The following WWC1 variants were observed in gnomAD, a reference collection of about 807,000 sequenced individuals.
The protein encoded by WWC1 is WW and C2 domain containing 1.
Under a neutral mutation model 138.4 loss-of-function variants are expected in WWC1, and 55 were observed. The observed-to-expected ratio is 0.40, with a 90% CI of 0.32 to 0.50. The LOEUF is 0.50. WWC1 is among the 20% of genes least tolerant of loss of function. WWC1 has a pLI of 0.72. For synonymous variants in WWC1, 524 were observed against 564.9 expected (o/e 0.93, Z 1.03); for missense variants, 1,226 against 1,420.4 (o/e 0.86, Z 2.20).
chr5:168,414,717 A>G, intron 9 of WWC1, 127 bp downstream of exon 9: 1 of 1,323,198 alleles, frequency 7.6e-7, no homozygotes, highest in African/African-American at 1.5e-5. Flanking sequence ...CTCAGTTCAG[A>G]GATCTCTCAG....
intron 1 of WWC1, among the ~76,000 whole-genome samples, chr5:168,352,252 AAAT>A (rs1169583592): frequency 6.6e-6 from 1 of 152,230 alleles, no homozygotes; most frequent in Non-Finnish European, 1.5e-5. Flanking sequence ...TCAGGTGGTC[AAAT>A]AATGTTTACA....
At chr5:168,383,087 T>C (rs540277421) in intron 2 of WWC1, among the ~76,000 whole-genome samples, 4 of 149,464 alleles carry the variant, frequency 2.7e-5, no homozygotes, top group African/African-American at 9.9e-5. Context: ...GAGGCAGGGA[T>C]AATTACTGGA....
intron 3 of WWC1, among the ~76,000 whole-genome samples, chr5:168,395,502 T>A (rs1333133268): frequency 6.6e-6 from 1 of 152,190 alleles, no homozygotes; most frequent in Non-Finnish European, 1.5e-5. Context: ...TTGTTCAAGG[T>A]CATTTTATTA....
intron 17 of WWC1, among the ~76,000 whole-genome samples, chr5:168,446,396 T>C (rs1353918589): frequency 6.6e-6 from 1 of 152,204 alleles, no homozygotes; most frequent in East Asian, 1.9e-4. Flanking sequence ...ATTTAATTCC[T>C]TGTATTATGA....
intron 16 of WWC1, among the ~76,000 whole-genome samples, chr5:168,442,225 A>G (rs1754832201): frequency 6.6e-6 from 1 of 152,298 alleles, no homozygotes; most frequent in Admixed American, 6.5e-5. Context: ...GCAGCTAGAA[A>G]TCATGGGAAG....
At chr5:168,375,357 G>C (rs933334270) in intron 2 of WWC1, among the ~76,000 whole-genome samples, 2 of 152,050 alleles carry the variant, frequency 1.3e-5, no homozygotes, top group African/African-American at 4.8e-5. Context: ...ATATCAAGCA[G>C]AGAATTGCCG....
At chr5:168,359,133 G>A (rs1245888000) in intron 1 of WWC1, among the ~76,000 whole-genome samples, 1 of 151,768 alleles carries the variant, frequency 6.6e-6, no homozygotes, top group African/African-American at 2.4e-5. Flanking sequence ...TGGGTTCACT[G>A]CAACCTCTAC....
intron 2 of WWC1, among the ~76,000 whole-genome samples, chr5:168,372,053 TTGTGTGTGTGTGTGTG>T (rs10595228): frequency 1.1e-4 from 16 of 141,262 alleles, no homozygotes; most frequent in South Asian, 6.9e-4. Flanking sequence ...AAGAGTGTGT[TTGTGTGTGTGTGTGTG>T]TGTGTGTGTG....
chr5:168,451,150 C>G (rs1055381882), intron 17 of WWC1, among the ~76,000 whole-genome samples: 2 of 152,042 alleles, frequency 1.3e-5, no homozygotes, highest in Non-Finnish European at 2.9e-5. Context: ...TCCCGAGTAG[C>G]TAGAATTACA....
rs1357859614 is a variant in WWC1 at position 168,292,319 on chromosome 5, C to T, written c.119+48C>T. On this transcript the variant is annotated intron_variant, in intron 1 of 22. Coordinates refer to ENST00000265293, the MANE Select transcript of WWC1 (RefSeq NM_015238.3). This position sits in a 1 kb window ranked among gnomAD's most constrained non-coding sequence, Gnocchi z 4.4. ...CGTGCCCCCACACCCCCGCCTGGGC[C>T]CCCACCTGCCCCTGGAGCCGCCGGC... is the stretch of plus-strand genomic sequence containing the variant. 1 of 1,537,402 alleles carries T rather than the reference C, an allele frequency of 6.5e-7. No homozygotes were observed. Among genetic ancestry groups the T allele is most frequent in the Non-Finnish European group, 8.8e-7 (1 of 1,141,212 alleles).
chr5:168,436,765 T>C (rs1782378383), intron 15 of WWC1, among the ~76,000 whole-genome samples: 1 of 152,070 alleles, frequency 6.6e-6, no homozygotes, highest in African/African-American at 2.4e-5. Context: ...ATTCCACTTC[T>C]CACCACTTCC....
At chr5:168,321,546 T>A (rs1431461324) in intron 1 of WWC1, among the ~76,000 whole-genome samples, 1 of 151,848 alleles carries the variant, frequency 6.6e-6, no homozygotes, top group East Asian at 1.9e-4. Flanking sequence ...TTTTTTTTTT[T>A]TTTTTGAGAC....
chr5:168,403,801 T>G (rs1779568111), intron 5 of WWC1, among the ~76,000 whole-genome samples: 3 of 151,462 alleles, frequency 2.0e-5, no homozygotes, highest in Admixed American at 2.0e-4. Flanking sequence ...CTGTGGCTAC[T>G]GGGTATGTGA....
intron 1 of WWC1, among the ~76,000 whole-genome samples, chr5:168,366,801 A>AGT (rs1776327629): frequency 1.0e-5 from 1 of 98,930 alleles, no homozygotes; most frequent in African/African-American, 3.9e-5. Flanking sequence ...ACTTTGAAAC[A>AGT]CTTTTTTTTT....
chr5:168,307,224 T>C (rs1388072862), intron 1 of WWC1, among the ~76,000 whole-genome samples: 3 of 152,206 alleles, frequency 2.0e-5, no homozygotes, highest in African/African-American at 7.2e-5. Flanking sequence ...TGCCCAAGGT[T>C]GCGTAGCTAA....
intron 1 of WWC1, among the ~76,000 whole-genome samples, chr5:168,360,388 C>T (rs1434020375): frequency 6.6e-6 from 1 of 152,128 alleles, no homozygotes; most frequent in Non-Finnish European, 1.5e-5. Flanking sequence ...ACTATTAAGC[C>T]TCAGTTTCCT....
intron 11 of WWC1, among the ~76,000 whole-genome samples, chr5:168,425,810 C>T (rs1781460963): frequency 6.6e-6 from 1 of 152,108 alleles, no homozygotes; most frequent in Non-Finnish European, 1.5e-5. Flanking sequence ...CTTTTATCCC[C>T]ATCTTAAAGA....
At chr5:168,441,353 T>C (rs1313025653) in intron 15 of WWC1, among the ~76,000 whole-genome samples, 1 of 152,166 alleles carries the variant, frequency 6.6e-6, no homozygotes, top group East Asian at 1.9e-4. Context: ...TGCAACAATG[T>C]GCGTAATGTT....
intron 11 of WWC1, among the ~76,000 whole-genome samples, chr5:168,425,494 C>CT (rs541197702): frequency 0.3 from 39,970 of 135,460 alleles, 6,805 homozygotes; most frequent in East Asian, 0.64. Flanking sequence ...TTTTAATCTC[C>CT]TTTTTTTTTT....
Sources: allele counts gnomAD v4.1 joint callset (sites outside exome capture counted in the v4.1 genomes callset), GRCh38; gene constraint gnomAD v4.1.1; non-coding constraint Gnocchi (gnomAD v3.1); transcripts MANE v1.5; gene names NCBI Gene and HGNC (gene_info 2026-07-23, HGNC 2026-07-21).